The following DCC variants were observed in gnomAD, a reference collection of about 807,000 sequenced individuals.
DCC encodes DCC netrin 1 receptor, also known as netrin receptor DCC.
DCC carries 58 observed loss-of-function variants against 172.5 expected under a neutral mutation model. That is an observed-to-expected ratio of 0.34 (90% CI 0.27 to 0.42). The LOEUF (loss-of-function observed/expected upper bound fraction) is 0.42. Ranked by LOEUF, DCC falls within the 10% of genes least tolerant of loss-of-function variation. The pLI is 1.00. For synonymous variants in DCC, 709 were observed against 644.5 expected, an observed-to-expected ratio of 1.10 and a Z score of -1.52; for missense variants, 1,740 against 1,791.0, an observed-to-expected ratio of 0.97 and a Z score of 0.51.
intron 1 of DCC, among the ~76,000 whole-genome samples, chr18:52,678,724 C>T (rs1053254580): frequency 6.6e-6 from 1 of 152,128 alleles, no homozygotes; most frequent in Non-Finnish European, 1.5e-5. Flanking sequence ...TTTAAGAATT[C>T]CATGCCACGA....
At chr18:52,594,426 T>C (rs2033865992) in intron 1 of DCC, among the ~76,000 whole-genome samples, 1 of 152,184 alleles carries the variant, frequency 6.6e-6, no homozygotes, top group Admixed American at 6.5e-5. Flanking sequence ...TCTGGGTGTA[T>C]ATTAGTGACC....
rs370317033 is a variant in DCC, at chr18:52,868,226, T to C, written c.413-37818T>C. Among the ~76,000 whole-genome samples the C allele has an allele frequency of 8.3e-4, 127 of 152,282 alleles. 2 individuals carry two copies. The South Asian group carries it at 0.024, about 29-fold the overall frequency. ...ATTTTTACTGGTGTACTTGTTCTAA[T>C]AGCAGCCTAATAGCCTTTTCATGGA... On this transcript the variant is annotated intron_variant, in intron 2 of 28. Coordinates refer to ENST00000442544, the MANE Select transcript of DCC (RefSeq NM_005215.4).
intron 5 of DCC, among the ~76,000 whole-genome samples, chr18:52,999,900 G>C (rs2041537965): frequency 6.6e-6 from 1 of 151,986 alleles, no homozygotes; most frequent in Admixed American, 6.6e-5. Context: ...ACTGGAGTAG[G>C]ATAGGCCTTT....
chr18:53,398,755 A>G (rs1909114288), intron 18 of DCC, among the ~76,000 whole-genome samples: 1 of 152,152 alleles, frequency 6.6e-6, no homozygotes, highest in Admixed American at 6.5e-5. Context: ...CTAGCCTTGT[A>G]GGGACACCAG....
At chr18:53,353,470 G>T (rs2144911469) in intron 15 of DCC, among the ~76,000 whole-genome samples, 1 of 152,110 alleles carries the variant, frequency 6.6e-6, no homozygotes, top group Non-Finnish European at 1.5e-5. Context: ...TAACTACACA[G>T]TTAGCAATTT....
intron 7 of DCC, among the ~76,000 whole-genome samples, chr18:53,115,804 T>C (rs1199593092): frequency 1.3e-5 from 2 of 151,674 alleles, no homozygotes; most frequent in Admixed American, 6.6e-5. Flanking sequence ...TGCTAAAAGA[T>C]AATTATGAGA....
At chr18:52,976,485 C>T (rs1441013751) in intron 5 of DCC, among the ~76,000 whole-genome samples, 1 of 152,078 alleles carries the variant, frequency 6.6e-6, no homozygotes, top group Non-Finnish European at 1.5e-5. Context: ...CTTCATTTAA[C>T]CTTAGCTAGC....
intron 5 of DCC, among the ~76,000 whole-genome samples, chr18:52,961,614 C>A (rs1193565437): frequency 6.6e-6 from 1 of 152,194 alleles, no homozygotes; most frequent in Non-Finnish European, 1.5e-5. Context: ...CTATGCCTCC[C>A]TGCACAAATA....
At chr18:53,335,020 C>T (rs972429019) in intron 14 of DCC, among the ~76,000 whole-genome samples, 1 of 152,148 alleles carries the variant, frequency 6.6e-6, no homozygotes, top group African/African-American at 2.4e-5. Flanking sequence ...TATATGGTTT[C>T]TTTATAGCAG....
Position 53,305,672 on chromosome 18 carries a change from G to T in DCC, c.2006G>T (p.Gly669Val). The T allele has an allele frequency of 6.2e-7, 1 of 1,614,070 alleles. No homozygotes were observed. Among genetic ancestry groups the T allele is most frequent in the South Asian group, 1.1e-5 (1 of 91,082 alleles). The change falls in exon 13 of 29, where the codon GGT (glycine) becomes GTT (valine). Residue 669 changes from glycine to valine, a missense_variant. Physicochemically the swap from Gly to Val is moderately radical, Grantham distance 109. Coordinates refer to ENST00000442544, the MANE Select transcript of DCC (RefSeq NM_005215.4). ...CGACACAGAAAGACGACCCGCAGGG[G>T]TGAGATGGAAACACTGGAGCCAAAC... ...KIRHRKTTRR[G>V]EMETLEPNNL... is the part of the protein sequence containing the mutation.
intron 1 of DCC, among the ~76,000 whole-genome samples, chr18:52,589,993 A>T (rs2033761555): frequency 6.6e-6 from 1 of 152,186 alleles, no homozygotes; most frequent in Admixed American, 6.5e-5. Flanking sequence ...GTAAAAATCT[A>T]TGCTTTTTTT....
At chr18:52,668,618 C>A (rs2035497336) in intron 1 of DCC, among the ~76,000 whole-genome samples, 1 of 152,122 alleles carries the variant, frequency 6.6e-6, no homozygotes, top group Non-Finnish European at 1.5e-5. Context: ...AGTGTGCTAC[C>A]CAGCCCCCAA....
At chr18:53,339,037 G>T (rs879433651) in intron 14 of DCC, among the ~76,000 whole-genome samples, 1 of 152,168 alleles carries the variant, frequency 6.6e-6, no homozygotes, top group African/African-American at 2.4e-5. Flanking sequence ...TTAATCAGAA[G>T]GGAAACTCAG....
chr18:53,179,904 G>T (rs901087213), intron 9 of DCC, among the ~76,000 whole-genome samples: 4 of 152,168 alleles, frequency 2.6e-5, no homozygotes, highest in Non-Finnish European at 4.4e-5. Flanking sequence ...AAAATGAAAT[G>T]CATGGCTACT....
intron 1 of DCC, 53 bp from the exon 2 acceptor site, chr18:52,752,001 C>G (rs533613146): frequency 6.8e-7 from 1 of 1,464,046 alleles, no homozygotes; most frequent in Non-Finnish European, 9.5e-7. Context: ...GGAATCTAAG[C>G]CTGAGATTTA....
At chr18:52,497,295 A>ATG (rs1475639706) in intron 1 of DCC, among the ~76,000 whole-genome samples, 1 of 55,000 alleles carries the variant, frequency 1.8e-5, no homozygotes, top group African/African-American at 7.0e-5. Context: ...ATATATATAT[A>ATG]TATATATATA....
intron 1 of DCC, among the ~76,000 whole-genome samples, chr18:52,669,356 G>A (rs1052707425): frequency 2.0e-5 from 3 of 152,140 alleles, no homozygotes; most frequent in African/African-American, 4.8e-5. Context: ...CTAATCTTGT[G>A]GCTAATTTGT....
intron 1 of DCC, among the ~76,000 whole-genome samples, chr18:52,615,753 C>T (rs764953383): frequency 6.6e-6 from 1 of 152,046 alleles, no homozygotes; most frequent in African/African-American, 2.4e-5. Flanking sequence ...AATAAGACCC[C>T]TCCTAGGAGC....
intron 12 of DCC, among the ~76,000 whole-genome samples, chr18:53,235,831 A>G (rs375858022): frequency 6.6e-5 from 10 of 152,026 alleles, no homozygotes; most frequent in African/African-American, 2.2e-4. Context: ...CTGTCTCTGA[A>G]TTTGCCTATT....
Sources: allele counts gnomAD v4.1 joint callset (sites outside exome capture counted in the v4.1 genomes callset), GRCh38; gene constraint gnomAD v4.1.1; transcripts MANE v1.5; gene names NCBI Gene and HGNC (gene_info 2026-07-23, HGNC 2026-07-21).